The following EYA1 variants were observed in gnomAD, a reference collection of about 807,000 sequenced individuals.
EYA1 encodes protein phosphatase EYA1.
In EYA1, 16 loss-of-function variants were observed where a neutral mutation model predicts 82.0. The observed-to-expected ratio is 0.20, with a 90% CI of 0.13 to 0.30. EYA1 has a LOEUF of 0.30. Among genes scored for constraint, EYA1 ranks in the 10% least tolerant of loss-of-function variants. EYA1 has a pLI of 1.00. For missense variants in EYA1, 633 were observed against 730.7 expected (o/e 0.87, Z 1.54); for synonymous variants, 261 against 264.4 (o/e 0.99, Z 0.12).
At chr8:71,392,263 C>T (rs1264942101) in intron 2 of EYA1, among the ~76,000 whole-genome samples, 1 of 152,118 alleles carries the variant, frequency 6.6e-6, no homozygotes, top group Non-Finnish European at 1.5e-5. Context: ...ACTTTACCCC[C>T]GCACCCTTTG....
At chr8:71,369,476 CAATTTAT>C (rs1364508596) in intron 2 of EYA1, among the ~76,000 whole-genome samples, 1 of 152,150 alleles carries the variant, frequency 6.6e-6, no homozygotes, top group East Asian at 1.9e-4. Context: ...CTTATTCTCT[CAATTTAT>C]AATTTATAAC....
intron 4 of EYA1, among the ~76,000 whole-genome samples, chr8:71,331,263 C>T (rs1416134163): frequency 6.8e-6 from 1 of 147,388 alleles, no homozygotes; most frequent in Non-Finnish European, 1.5e-5. Flanking sequence ...CACACACACA[C>T]ACACACACAC....
intron 7 of EYA1, among the ~76,000 whole-genome samples, chr8:71,304,291 G>A (rs1346665902): frequency 7.0e-6 from 1 of 142,414 alleles, no homozygotes; most frequent in African/African-American, 2.5e-5. Context: ...GTTTATAGAC[G>A]AAGAAACTGC....
chr8:71,482,144 A>G (rs140175325), intron 2 of EYA1, among the ~76,000 whole-genome samples: 5 of 152,358 alleles, frequency 3.3e-5, no homozygotes, highest in African/African-American at 7.2e-5. Context: ...CACAAGACAT[A>G]TATCTAACAT....
At chr8:71,408,813 A>C (rs1830426133) in intron 2 of EYA1, among the ~76,000 whole-genome samples, 1 of 132,396 alleles carries the variant, frequency 7.6e-6, no homozygotes. Context: ...AGACAGATCA[A>C]CGAGCCAGAA....
intron 2 of EYA1, among the ~76,000 whole-genome samples, chr8:71,406,233 A>G (rs1830210870): frequency 2.0e-5 from 3 of 152,252 alleles, no homozygotes; most frequent in East Asian, 1.9e-4. Flanking sequence ...AACAATTTCA[A>G]TGCATAGACA....
intron 2 of EYA1, among the ~76,000 whole-genome samples, chr8:71,490,804 G>T (rs1187983052): frequency 6.6e-6 from 1 of 152,176 alleles, no homozygotes; most frequent in African/African-American, 2.4e-5. Context: ...AGCAGAGAAG[G>T]TTGGTTGTAA....
intron 2 of EYA1, chr8:71,448,926 A>G (rs1223963313): frequency 6.0e-6 from 1 of 166,006 alleles, no homozygotes; most frequent in East Asian, 1.9e-4. Flanking sequence ...AATGCTAAAC[A>G]TCAGTAAAGT....
intron 12 of EYA1, among the ~76,000 whole-genome samples, chr8:71,221,381 G>T (rs1809896168): frequency 6.6e-6 from 1 of 152,250 alleles, no homozygotes; most frequent in South Asian, 2.1e-4. Context: ...AGAGAGGTGA[G>T]GGGAAGCCTT....
intron 2 of EYA1, among the ~76,000 whole-genome samples, chr8:71,444,113 T>C (rs1261450949): frequency 6.6e-6 from 1 of 152,234 alleles, no homozygotes; most frequent in Non-Finnish European, 1.5e-5. Flanking sequence ...TATTTGTGTT[T>C]ATTTACCCAC....
chr8:71,323,801 T>C (rs892212213), intron 4 of EYA1, among the ~76,000 whole-genome samples: 1 of 152,044 alleles, frequency 6.6e-6, no homozygotes, highest in Non-Finnish European at 1.5e-5. Flanking sequence ...TAAAGAACTG[T>C]GGGATGGTCA....
intron 2 of EYA1, among the ~76,000 whole-genome samples, chr8:71,460,958 T>C (rs1808314111): frequency 6.6e-6 from 1 of 152,220 alleles, no homozygotes. Flanking sequence ...GTTTATATTT[T>C]CTGTTAATTA....
At chr8:71,403,755 G>C (rs1388245433) in intron 2 of EYA1, 1 of 152,110 alleles carries the variant, frequency 6.6e-6, no homozygotes, top group African/African-American at 2.4e-5. Flanking sequence ...AGAGTGATAT[G>C]TACACCATGA....
At chr8:71,211,734 G>A (rs939854697) in intron 16 of EYA1, among the ~76,000 whole-genome samples, 1 of 152,142 alleles carries the variant, frequency 6.6e-6, no homozygotes, top group African/African-American at 2.4e-5. Context: ...AAAATAACTG[G>A]ACTTGTTTTT....
At chr8:71,244,553 A>G (rs1010283793) in intron 12 of EYA1, 50 bp downstream of exon 12, 1 of 916,756 alleles carries the variant, frequency 1.1e-6, no homozygotes, top group African/African-American at 1.6e-5. Flanking sequence ...TTTAAAACCA[A>G]TCACCTATTT....
At chr8:71,230,133 T>C (rs1811020804) in intron 12 of EYA1, among the ~76,000 whole-genome samples, 1 of 152,116 alleles carries the variant, frequency 6.6e-6, no homozygotes, top group Non-Finnish European at 1.5e-5. Context: ...AAGTTGAAGT[T>C]ACAGGCATAC....
At chr8:71,456,214 C>G (rs1807893518) in intron 2 of EYA1, among the ~76,000 whole-genome samples, 1 of 152,110 alleles carries the variant, frequency 6.6e-6, no homozygotes, top group Non-Finnish European at 1.5e-5. Context: ...TGTGAAGGAC[C>G]TCTTCAAGGA....
intron 2 of EYA1, among the ~76,000 whole-genome samples, chr8:71,399,592 G>A (rs1829835075): frequency 6.6e-6 from 1 of 152,120 alleles, no homozygotes; most frequent in African/African-American, 2.4e-5. Flanking sequence ...CAAAGGAAGT[G>A]AAGGACCTCT....
rs997218764 is a variant in EYA1, at chr8:71,311,609, A to G, written c.556+5943T>C. On this transcript the variant is annotated intron_variant, in intron 7 of 17. Transcript: ENST00000340726. ...AACTTCTTCCAGAAAAACCAAAGCTAACACTGCGGAACAGGAAAATGTCAA... is the reference window on the plus strand; with the variant it reads ...AACTTCTTCCAGAAAAACCAAAGCTGACACTGCGGAACAGGAAAATGTCAA... Among the ~76,000 whole-genome samples, 12 of 152,258 alleles carry G rather than the reference A, an allele frequency of 7.9e-5. 1 individual carries two copies.
Sources: gnomAD v4.1 joint callset for allele counts (sites outside exome capture counted in the v4.1 genomes callset) on GRCh38, gnomAD v4.1.1 for gene constraint, MANE v1.5 for transcripts, NCBI Gene and HGNC (gene_info 2026-07-23, HGNC 2026-07-21) for gene names.